DLC1: variants seen among roughly 807,000 people sequenced by gnomAD.
DLC1 encodes the protein rho GTPase-activating protein 7.
Under a neutral mutation model 140.3 loss-of-function variants are expected in DLC1, and 54 were observed. The ratio of observed to expected loss-of-function variants is 0.38; its 90% CI spans 0.31 to 0.48. The LOEUF is 0.48. Among genes scored for constraint, DLC1 ranks in the 20% least tolerant of loss-of-function variants. The pLI, the probability that DLC1 is intolerant of heterozygous loss-of-function variation, is 0.96. For synonymous variants in DLC1, 986 were observed against 728.1 expected, an observed-to-expected ratio of 1.35 and a Z score of -5.70; for missense variants, 2,536 against 1,907.0, an observed-to-expected ratio of 1.33 and a Z score of -6.14.
At chr8:13,313,289 C>A (rs1832752297) in intron 4 of DLC1, among the ~76,000 whole-genome samples, 1 of 152,166 alleles carries the variant, frequency 6.6e-6, no homozygotes, top group Non-Finnish European at 1.5e-5. Flanking sequence ...CCTACACAGT[C>A]TTTTGCTAAG....
At chr8:13,567,274 G>T in intron 1 of DLC1, 1 of 1,551,746 alleles carries the variant, frequency 6.4e-7, no homozygotes, top group Non-Finnish European at 8.7e-7. Flanking sequence ...CAAGCTCAAA[G>T]ACTCTAACTT....
chr8:13,583,568 G>C (rs78814367), intron 1 of DLC1, among the ~76,000 whole-genome samples: 22,200 of 152,026 alleles, frequency 0.15, 1,722 homozygotes, highest in African/African-American at 0.19. Flanking sequence ...TTTTCCAATA[G>C]GTAAAAAAAT....
At chr8:13,216,846 A>G (rs1177488090) in intron 5 of DLC1, among the ~76,000 whole-genome samples, 1 of 152,164 alleles carries the variant, frequency 6.6e-6, no homozygotes, top group Non-Finnish European at 1.5e-5. Context: ...CAAATGTTCC[A>G]TGGGAAACCA....
intron 5 of DLC1, among the ~76,000 whole-genome samples, chr8:13,225,442 G>T (rs900497636): frequency 6.6e-6 from 1 of 152,064 alleles, no homozygotes; most frequent in Non-Finnish European, 1.5e-5. Context: ...CCCTGCAAAG[G>T]TCTTTCTGAC....
intron 5 of DLC1, among the ~76,000 whole-genome samples, chr8:13,244,050 G>C (rs1829653767): frequency 6.6e-6 from 1 of 152,128 alleles, no homozygotes; most frequent in African/African-American, 2.4e-5. Context: ...TAGGAACCTG[G>C]TGTGAAGCTT....
Position 13,593,867 on chromosome 8 carries a change from T to C in DLC1, c.-126+10670A>G, listed in dbSNP as rs192922829. Among the ~76,000 whole-genome samples the C allele has an allele frequency of 5.1e-4, 77 of 152,244 alleles. 1 individual carries two copies. Among genetic ancestry groups the C allele is most frequent in the Admixed American group, 3.6e-3 (55 of 15,290 alleles). On this transcript the variant is annotated intron_variant, in intron 1 of 1. Transcript: ENST00000631382. ...TCTATGTGGGTGTTCTCATGCTGGA[T>C]GTATTGTTGAACATCAAGGTAAAAT...
chr8:13,382,325 T>G (rs1361577104), intron 4 of DLC1, among the ~76,000 whole-genome samples: 10 of 150,392 alleles, frequency 6.6e-5, no homozygotes, highest in Admixed American at 2.0e-4. Context: ...GGCTAACACG[T>G]TGAAACCCCG....
chr8:13,226,244 G>C (rs2567125), intron 5 of DLC1, among the ~76,000 whole-genome samples: 3,817 of 152,010 alleles, frequency 0.025, 154 homozygotes, highest in African/African-American at 0.087. Flanking sequence ...AATACTCTTT[G>C]GTTAATATAA....
At position 13,597,761 on chromosome 8, in the gene DLC1, G is replaced by T. The variant is rs116538921; in HGVS notation, c.-126+6776C>A. 7.9e-3 allele frequency among the ~76,000 whole-genome samples: 1,195 copies of T among 152,124 alleles called. 13 individuals carry two copies. Among genetic ancestry groups the T allele is most frequent in the African/African-American group, 0.027 (1,125 of 41,522 alleles). On this transcript the variant is annotated intron_variant, in intron 1 of 1. Transcript: ENST00000631382. Reference sequence around the variant, plus strand: ...TTTAAAGTCAGTATCTCACTATCTTGCTAACCCCTACTCAAAATACATTTC... The same window carrying T: ...TTTAAAGTCAGTATCTCACTATCTTTCTAACCCCTACTCAAAATACATTTC...
Position 13,354,534 on chromosome 8 carries a change from A to G in DLC1, c.1314+39019T>C, listed in dbSNP as rs916057416. Among the ~76,000 whole-genome samples, 3 of 148,676 alleles carry G rather than the reference A, an allele frequency of 2.0e-5. No individual in the cohort carries two copies. The Admixed American group carries it at 2.0e-4, about 10-fold the overall frequency. On this transcript the variant is annotated intron_variant, in intron 4 of 17. Transcript: ENST00000276297. ...GAATGTCTTTAGAAGTTAAAAAAAT[A>G]ACTGAACTTGTTTGGTTAAAATGCA... is the stretch of plus-strand genomic sequence containing the variant.
chr8:13,305,229 A>C (rs1832372561), intron 5 of DLC1, 40 bp downstream of exon 5: 1 of 1,607,200 alleles, frequency 6.2e-7, no homozygotes, highest in Admixed American at 1.7e-5. Flanking sequence ...TTTATTCTAA[A>C]ATAGATTGGC....
intron 4 of DLC1, chr8:13,341,362 C>T (rs1170518404): frequency 6.6e-6 from 1 of 152,122 alleles, no homozygotes; most frequent in African/African-American, 2.4e-5. Context: ...ATGTGCTATG[C>T]CTTCAGCTTC....
chr8:13,430,122 CTAAG>C (rs1447030792), intron 2 of DLC1, among the ~76,000 whole-genome samples: 2 of 152,146 alleles, frequency 1.3e-5, no homozygotes, highest in Non-Finnish European at 2.9e-5. Context: ...ATAAAATTCT[CTAAG>C]TTAGTCCAAA....
chr8:13,425,187 C>T (rs1015408163), intron 2 of DLC1, among the ~76,000 whole-genome samples: 13 of 151,818 alleles, frequency 8.6e-5, no homozygotes, highest in South Asian at 2.1e-4. Context: ...ACGAGTCAAG[C>T]GGCTGTTTCC....
At chr8:13,546,842 A>T (rs1803664524) in intron 1 of DLC1, among the ~76,000 whole-genome samples, 1 of 152,114 alleles carries the variant, frequency 6.6e-6, no homozygotes. Flanking sequence ...ATAACTTGGC[A>T]AGAGTCTCTA....
At chr8:13,106,130 G>A (rs1819545253) in intron 7 of DLC1, among the ~76,000 whole-genome samples, 1 of 152,172 alleles carries the variant, frequency 6.6e-6, no homozygotes, top group Non-Finnish European at 1.5e-5. Flanking sequence ...AGGTTCAAGA[G>A]CTTCTCTGCA....
chr8:13,135,568 T>TAA (rs899561244), intron 5 of DLC1, among the ~76,000 whole-genome samples: 2 of 148,028 alleles, frequency 1.4e-5, no homozygotes, highest in African/African-American at 4.9e-5. Flanking sequence ...TATTCAAACT[T>TAA]AAAAAATAAG....
intron 1 of DLC1, among the ~76,000 whole-genome samples, chr8:13,529,589 T>C (rs991252940): frequency 1.3e-5 from 2 of 152,148 alleles, no homozygotes; most frequent in African/African-American, 4.8e-5. Flanking sequence ...TTAGAAAATA[T>C]TGTAGGAGAG....
intron 4 of DLC1, among the ~76,000 whole-genome samples, chr8:13,370,843 C>G (rs1388593159): frequency 1.3e-5 from 2 of 152,144 alleles, no homozygotes; most frequent in African/African-American, 4.8e-5. Context: ...TGTTCAAACC[C>G]TCATTGGACT....
Sources: allele counts gnomAD v4.1 joint callset (sites outside exome capture counted in the v4.1 genomes callset), GRCh38; gene constraint gnomAD v4.1.1; transcripts MANE v1.5; gene names NCBI Gene and HGNC (gene_info 2026-07-23, HGNC 2026-07-21).